UVRAG: variants seen among roughly 807,000 people sequenced by gnomAD.
UVRAG encodes the protein UV radiation resistance associated.
A neutral mutation model predicts 78.0 loss-of-function variants in UVRAG; 19 were observed. That is an observed-to-expected ratio of 0.24 (90% CI 0.17 to 0.36). The LOEUF (loss-of-function observed/expected upper bound fraction) is 0.36. Ranked by LOEUF, UVRAG falls within the 10% of genes least tolerant of loss-of-function variation. UVRAG has a pLI of 1.00. For missense variants in UVRAG, 740 were observed against 853.8 expected (o/e 0.87, Z 1.66); for synonymous variants, 323 against 324.6 (o/e 1.00, Z 0.05).
chr11:75,984,279 T>C (rs143470504), intron 8 of UVRAG, among the ~76,000 whole-genome samples: 2 of 152,138 alleles, frequency 1.3e-5, no homozygotes, highest in Admixed American at 1.3e-4. Context: ...GTTGCTAGTG[T>C]TTTTTGGATA....
intron 3 of UVRAG, among the ~76,000 whole-genome samples, chr11:75,876,268 C>G (rs1946777491): frequency 1.3e-5 from 2 of 152,130 alleles, no homozygotes; most frequent in African/African-American, 4.8e-5. Context: ...TTCCATTCAC[C>G]CATTCACCCT....
chr11:75,847,886 G>A (rs1328975105), intron 1 of UVRAG, among the ~76,000 whole-genome samples: 1 of 151,448 alleles, frequency 6.6e-6, no homozygotes, highest in Admixed American at 6.6e-5. Flanking sequence ...CTGGGGAAAT[G>A]CTTGAACCCG....
intron 14 of UVRAG, among the ~76,000 whole-genome samples, chr11:76,138,402 G>A (rs1371851816): frequency 2.0e-5 from 3 of 152,174 alleles, no homozygotes; most frequent in South Asian, 2.1e-4. Context: ...ATTGACAGTC[G>A]GGAAAATGGT....
chr11:76,100,457 T>G lies in UVRAG; in HGVS notation c.1306-15467T>G, dbSNP rs141972262. On this transcript the variant is annotated intron_variant, in intron 13 of 14. Coordinates refer to ENST00000356136, the MANE Select transcript of UVRAG (RefSeq NM_003369.4). ...TCCACTGGCTTACCTCATCTAAATATTACCTGTCCATCAGTGAACTGCTTA... is the reference window on the plus strand; with the variant it reads ...TCCACTGGCTTACCTCATCTAAATAGTACCTGTCCATCAGTGAACTGCTTA... Among the ~76,000 whole-genome samples the G allele has an allele frequency of 1.0e-3, 154 of 152,256 alleles. 1 individual carries two copies. Among genetic ancestry groups the G allele is most frequent in the African/African-American group, 3.4e-3 (140 of 41,568 alleles).
At chr11:75,954,209 A>C (rs1302760194) in intron 6 of UVRAG, among the ~76,000 whole-genome samples, 1 of 152,188 alleles carries the variant, frequency 6.6e-6, no homozygotes, top group Non-Finnish European at 1.5e-5. Flanking sequence ...ATTGGAGGAA[A>C]TGTGACTCTG....
intron 6 of UVRAG, among the ~76,000 whole-genome samples, chr11:75,927,945 A>G (rs116516772): frequency 0.016 from 2,451 of 152,150 alleles, 80 homozygotes; most frequent in African/African-American, 0.056. Flanking sequence ...TTAAAAAAAT[A>G]CCTCTGATTA....
chr11:76,095,017 G>A (rs899882896), intron 13 of UVRAG, among the ~76,000 whole-genome samples: 2 of 152,068 alleles, frequency 1.3e-5, no homozygotes, highest in Non-Finnish European at 2.9e-5. Flanking sequence ...GAAGGTTTTG[G>A]CACTTAGTAT....
At chr11:75,943,801 A>G (rs1274661269) in intron 6 of UVRAG, among the ~76,000 whole-genome samples, 1 of 152,138 alleles carries the variant, frequency 6.6e-6, no homozygotes. Context: ...AAGCAATAGT[A>G]TTGTCTTATT....
intron 12 of UVRAG, among the ~76,000 whole-genome samples, chr11:76,052,939 T>G (rs557735477): frequency 7.3e-5 from 11 of 149,884 alleles, no homozygotes; most frequent in Non-Finnish European, 1.3e-4. Flanking sequence ...TTGTTTATAT[T>G]ATAGAGTATC....
At chr11:75,888,736 T>A in intron 4 of UVRAG, 93 bp from the exon 5 acceptor site, 1 of 1,056,606 alleles carries the variant, frequency 9.5e-7, no homozygotes, top group Non-Finnish European at 1.4e-6. Flanking sequence ...TTCTCAGTAT[T>A]GAAGTAGATC....
intron 7 of UVRAG, among the ~76,000 whole-genome samples, chr11:75,967,398 A>G (rs1232502609): frequency 1.3e-5 from 2 of 152,220 alleles, no homozygotes; most frequent in African/African-American, 4.8e-5. Context: ...TTAGTGGTTG[A>G]CTAGGTGTAG....
chr11:75,849,473 G>C (rs1203268995), intron 1 of UVRAG, among the ~76,000 whole-genome samples: 1 of 146,216 alleles, frequency 6.8e-6, no homozygotes, highest in Non-Finnish European at 1.5e-5. Flanking sequence ...CAGCCTGGGC[G>C]ACAGAGCGAG....
intron 14 of UVRAG, among the ~76,000 whole-genome samples, chr11:76,140,102 T>C (rs1221170959): frequency 1.5e-4 from 2 of 13,112 alleles, no homozygotes; most frequent in African/African-American, 4.4e-4. Flanking sequence ...CCTCCCTCCC[T>C]CCCTCCCTCC....
chr11:76,040,134 G>A (rs2134327838), intron 12 of UVRAG, among the ~76,000 whole-genome samples: 1 of 152,046 alleles, frequency 6.6e-6, no homozygotes, highest in Non-Finnish European at 1.5e-5. Flanking sequence ...GCATTATCAA[G>A]TGTTCTCTGC....
At position 76,031,277 on chromosome 11, in the gene UVRAG, A is replaced by T. The variant is rs546942900; in HGVS notation, c.1226+14297A>T. Among the ~76,000 whole-genome samples, 8 of 152,342 alleles carry T rather than the reference A, an allele frequency of 5.3e-5. No individual in the cohort carries two copies. The East Asian group carries it at 1.5e-3, about 29-fold the overall frequency. ...GTGTGAGCAAAGAACATGTTTTAAA[A>T]TAAGGAATCCCCATGGAAATTCAGG... On this transcript the variant is annotated intron_variant, in intron 12 of 14. Coordinates refer to ENST00000356136, the MANE Select transcript of UVRAG (RefSeq NM_003369.4).
intron 6 of UVRAG, among the ~76,000 whole-genome samples, chr11:75,921,662 A>C (rs1947983574): frequency 6.6e-6 from 1 of 151,808 alleles, no homozygotes; most frequent in African/African-American, 2.4e-5. Context: ...TACTTTTTAA[A>C]TTAAATATTT....
intron 3 of UVRAG, among the ~76,000 whole-genome samples, chr11:75,869,206 A>G (rs1040626889): frequency 1.1e-4 from 16 of 152,214 alleles, no homozygotes; most frequent in Admixed American, 1.0e-3. Flanking sequence ...TAAGTCTGCT[A>G]GAGGGCTAAC....
chr11:75,867,128 C>T (rs1314552341), intron 3 of UVRAG, among the ~76,000 whole-genome samples: 2 of 152,208 alleles, frequency 1.3e-5, no homozygotes, highest in Admixed American at 1.3e-4. Context: ...CCTCATTGCT[C>T]TGTTTCTGTG....
chr11:75,972,777 A>C (rs184353555), intron 7 of UVRAG, among the ~76,000 whole-genome samples: 232 of 152,296 alleles, frequency 1.5e-3, no homozygotes, highest in African/African-American at 5.4e-3. Flanking sequence ...ATCAGTTTTG[A>C]TATTAACAAA....
Sources: gnomAD v4.1 joint callset for allele counts (sites outside exome capture counted in the v4.1 genomes callset) on GRCh38, gnomAD v4.1.1 for gene constraint, MANE v1.5 for transcripts, NCBI Gene and HGNC (gene_info 2026-07-23, HGNC 2026-07-21) for gene names.